The following RANBP17 variants were observed in gnomAD, a reference collection of about 807,000 sequenced individuals.
The protein encoded by RANBP17 is ran-binding protein 17.
Under a neutral mutation model 141.2 loss-of-function variants are expected in RANBP17, and 158 were observed. The observed-to-expected ratio is 1.12, with a 90% confidence interval of 0.98 to 1.28. The LOEUF (loss-of-function observed/expected upper bound fraction) is 1.28, where lower values mean the gene tolerates loss of function less well. RANBP17 is among the 50% of genes most tolerant of loss of function. RANBP17 has a pLI of 0.00. For missense variants in RANBP17, 1,438 were observed against 1,290.7 expected (o/e 1.11, Z -1.75); for synonymous variants, 430 against 450.0 (o/e 0.96, Z 0.56).
intron 14 of RANBP17, among the ~76,000 whole-genome samples, chr5:171,127,740 C>G (rs1756587086): frequency 6.6e-6 from 1 of 152,178 alleles, no homozygotes. Context: ...GAAAAGGGAA[C>G]TGTCATACAC....
At chr5:170,905,872 A>G (rs1017104085) in intron 5 of RANBP17, among the ~76,000 whole-genome samples, 1 of 152,138 alleles carries the variant, frequency 6.6e-6, no homozygotes, top group Non-Finnish European at 1.5e-5. Flanking sequence ...CCTGGAAATG[A>G]GAGTTTGTGC....
intron 14 of RANBP17, among the ~76,000 whole-genome samples, chr5:171,092,827 C>G (rs988765762): frequency 6.6e-6 from 1 of 152,182 alleles, no homozygotes; most frequent in Non-Finnish European, 1.5e-5. Flanking sequence ...TTCTTATGTT[C>G]TGAGAAGAAT....
intron 1 of RANBP17, among the ~76,000 whole-genome samples, chr5:170,877,543 T>A (rs1328817870): frequency 6.6e-6 from 1 of 152,184 alleles, no homozygotes; most frequent in Non-Finnish European, 1.5e-5. Context: ...ATTATAGGTA[T>A]AAGTCACCAT....
At chr5:171,008,345 G>T (rs1232960130) in intron 14 of RANBP17, among the ~76,000 whole-genome samples, 1 of 152,168 alleles carries the variant, frequency 6.6e-6, no homozygotes, top group Admixed American at 6.5e-5. Context: ...ATCTCTTCAC[G>T]GAGTGAGGGT....
At chr5:171,057,859 C>A (rs1322420313) in intron 14 of RANBP17, among the ~76,000 whole-genome samples, 1 of 151,996 alleles carries the variant, frequency 6.6e-6, no homozygotes, top group African/African-American at 2.4e-5. Flanking sequence ...GGGGAAACTG[C>A]CCCCATGATC....
intron 15 of RANBP17, 128 bp downstream of exon 15, chr5:171,170,331 G>T (rs1760015041): frequency 2.2e-6 from 1 of 452,392 alleles, no homozygotes; most frequent in Admixed American, 4.1e-5. Context: ...TGCTTTGTTA[G>T]AATGTTAGCA....
chr5:171,284,101 T>TA (rs1768016182), intron 25 of RANBP17, among the ~76,000 whole-genome samples: 2 of 152,214 alleles, frequency 1.3e-5, no homozygotes, highest in Admixed American at 1.3e-4. Flanking sequence ...TGGCCTCAGT[T>TA]AGAGTTTACT....
At chr5:170,887,031 CATGCATAAGTGGTTCTCTACAGTTCA>C (rs1420532627) in intron 3 of RANBP17, among the ~76,000 whole-genome samples, 1 of 151,946 alleles carries the variant, frequency 6.6e-6, no homozygotes, top group Non-Finnish European at 1.5e-5. Flanking sequence ...GAAAAAAATC[CATGCATAAGTGGTTCTCTACAGTTCA>C]AACTCATGTT....
intron 14 of RANBP17, among the ~76,000 whole-genome samples, chr5:170,980,993 C>T (rs1342654173): frequency 6.6e-6 from 1 of 152,208 alleles, no homozygotes; most frequent in African/African-American, 2.4e-5. Flanking sequence ...GGGAACCCAC[C>T]TCTTGTATCA....
rs767084122 is a variant in RANBP17, at chr5:171,095,984, G to A, written c.1711-74146G>A. On this transcript the variant is annotated intron_variant, in intron 14 of 27. Coordinates refer to ENST00000523189, the MANE Select transcript of RANBP17 (RefSeq NM_022897.5). ...ATTTACTATTCATTTAGAGGAAGTG[G>A]GTCATCACAAAGGTCTTTATTCTCA... Among the ~76,000 whole-genome samples the A allele has an allele frequency of 3.7e-4, 56 of 152,222 alleles. 2 individuals carry two copies. Among genetic ancestry groups the A allele is most frequent in the South Asian group, 2.1e-4 (1 of 4,810 alleles).
At chr5:171,248,724 C>T (rs1191209794) in intron 24 of RANBP17, among the ~76,000 whole-genome samples, 3 of 152,126 alleles carry the variant, frequency 2.0e-5, no homozygotes, top group Admixed American at 1.3e-4. Context: ...CTGCATCTGC[C>T]CCTGGAAACC....
intron 14 of RANBP17, among the ~76,000 whole-genome samples, chr5:171,111,016 C>T (rs1486360760): frequency 6.6e-6 from 1 of 151,870 alleles, no homozygotes; most frequent in African/African-American, 2.4e-5. Flanking sequence ...CCCCTCTCCC[C>T]CCACCCCACC....
intron 14 of RANBP17, among the ~76,000 whole-genome samples, chr5:171,083,994 G>A (rs1211057231): frequency 7.3e-5 from 11 of 149,984 alleles, no homozygotes; most frequent in South Asian, 4.3e-4. Flanking sequence ...AAGTTTTAGG[G>A]TACATGTGCA....
At chr5:171,165,175 GT>G (rs1350811910) in intron 14 of RANBP17, among the ~76,000 whole-genome samples, 1 of 151,046 alleles carries the variant, frequency 6.6e-6, no homozygotes, top group South Asian at 2.1e-4. Flanking sequence ...CATAAAGTAG[GT>G]TTTTTTGTTT....
chr5:171,281,730 G>A (rs954626788), intron 25 of RANBP17, among the ~76,000 whole-genome samples: 2 of 152,178 alleles, frequency 1.3e-5, no homozygotes, highest in Non-Finnish European at 2.9e-5. Flanking sequence ...TTACATGTGT[G>A]CACCTAGCAC....
chr5:171,025,669 G>A (rs1417817415), intron 14 of RANBP17, among the ~76,000 whole-genome samples: 1 of 151,054 alleles, frequency 6.6e-6, no homozygotes, highest in Non-Finnish European at 1.5e-5. Flanking sequence ...CTGAATTCCT[G>A]AGTTTAAGCA....
At chr5:171,162,312 TG>T (rs1357870119) in intron 14 of RANBP17, among the ~76,000 whole-genome samples, 1 of 152,222 alleles carries the variant, frequency 6.6e-6, no homozygotes, top group African/African-American at 2.4e-5. Flanking sequence ...GGCTTTCAGC[TG>T]GTTGCACCAC....
rs554231938 is a variant in RANBP17, at chr5:171,110,849, CT to C, written c.1711-59269del. Among the ~76,000 whole-genome samples the C allele has an allele frequency of 3.5e-3, 479 of 135,424 alleles. 2 individuals are homozygous for C. The highest frequency in any genetic ancestry group is 0.024 in the South Asian group (90 of 3,702). 88.8% of individuals were successfully genotyped at this position (135,424 alleles called of 152,430 possible). Reference sequence around the variant, plus strand: ...CTCCCCTCTCTGGTAATAAGAATGTCTTTTTTTTTTTTAATTTTTTTTTTAT... The same window carrying C: ...CTCCCCTCTCTGGTAATAAGAATGTCTTTTTTTTTTTAATTTTTTTTTTAT... On this transcript the variant is annotated intron_variant, in intron 14 of 27. Coordinates refer to ENST00000523189, the MANE Select transcript of RANBP17 (RefSeq NM_022897.5).
intron 21 of RANBP17, among the ~76,000 whole-genome samples, chr5:171,218,677 A>G (rs1581050092): frequency 6.7e-6 from 1 of 148,640 alleles, no homozygotes; most frequent in African/African-American, 2.5e-5. Context: ...GTCTTTTTTG[A>G]TCTTTGTGGG....
Sources: gnomAD v4.1 joint callset for allele counts (sites outside exome capture counted in the v4.1 genomes callset) on GRCh38, gnomAD v4.1.1 for gene constraint, MANE v1.5 for transcripts, NCBI Gene and HGNC (gene_info 2026-07-23, HGNC 2026-07-21) for gene names.